Variants in CACNA1H observed in about 807,000 individuals in gnomAD.
CACNA1H encodes the protein voltage-dependent T-type calcium channel subunit alpha-1H.
CACNA1H carries 149 observed loss-of-function variants against 192.5 expected under a neutral mutation model. That is an observed-to-expected ratio of 0.77 (90% CI 0.68 to 0.89). CACNA1H has a LOEUF of 0.89. Ranked by LOEUF, CACNA1H falls within the 40% of genes least tolerant of loss-of-function variation. The pLI, the probability that CACNA1H is intolerant of heterozygous loss-of-function variation, is 0.00. For synonymous variants in CACNA1H, 2,202 were observed against 1,475.2 expected, an observed-to-expected ratio of 1.49 and a Z score of -11.29; for missense variants, 4,257 against 3,423.5, an observed-to-expected ratio of 1.24 and a Z score of -6.08.
chr16:1,199,589 T>C (rs1362762556), intron 6 of CACNA1H, among the ~76,000 whole-genome samples: 1 of 148,510 alleles, frequency 6.7e-6, no homozygotes, highest in African/African-American at 2.5e-5. Flanking sequence ...CCAGAGTCCG[T>C]CACACCTTAC....
intron 2 of CACNA1H, among the ~76,000 whole-genome samples, chr16:1,182,061 C>T (rs974145693): frequency 2.6e-5 from 4 of 152,340 alleles, no homozygotes; most frequent in Admixed American, 6.5e-5. Context: ...ATGGACACAA[C>T]GCTCCCCAGG....
intron 2 of CACNA1H, among the ~76,000 whole-genome samples, chr16:1,154,395 C>G (rs891736636): frequency 3.9e-5 from 6 of 152,162 alleles, no homozygotes; most frequent in African/African-American, 1.2e-4. Flanking sequence ...GGGAATTTCC[C>G]CCTTGCCCAC....
Position 1,209,287 on chromosome 16 carries a change from G to A in CACNA1H, c.3619G>A (p.Ala1207Thr), listed in dbSNP as rs1415836280. 6 of 1,572,170 alleles carry A rather than the reference G, an allele frequency of 3.8e-6. No homozygotes were observed. In the Admixed American group the frequency reaches 7.2e-5, roughly 19 times the overall value. The part of the protein sequence containing the change: ...ESLDPRPLRP[A>T]ALPPTKCRDR... ...CCTGGACCCACGGCCCCTGCGGCCGGCCGCCCTCCCGCCTACCAAGTGCCG... is the reference window on the plus strand; with the variant it reads ...CCTGGACCCACGGCCCCTGCGGCCGACCGCCCTCCCGCCTACCAAGTGCCG... Residue 1207 changes from alanine (A) to threonine (T), a missense_variant, in exon 17 of 35, where the codon GCC becomes ACC. Transcript: ENST00000348261.
At chr16:1,217,474 C>T (rs572271530) in intron 31 of CACNA1H, among the ~76,000 whole-genome samples, 3 of 151,930 alleles carry the variant, frequency 2.0e-5, no homozygotes, top group Admixed American at 1.3e-4. Flanking sequence ...CCTCCTTAGA[C>T]GGCCCAGCCC....
intron 16 of CACNA1H, among the ~76,000 whole-genome samples, 152 bp downstream of exon 16, chr16:1,208,373 C>A (rs1277294842): frequency 6.6e-6 from 1 of 152,084 alleles, no homozygotes; most frequent in African/African-American, 2.4e-5. Context: ...GTTCTGGTTT[C>A]CGGAAATGGA....
At chr16:1,194,364 C>G (rs1596378484) in intron 2 of CACNA1H, among the ~76,000 whole-genome samples, 1 of 152,192 alleles carries the variant, frequency 6.6e-6, no homozygotes, top group African/African-American at 2.4e-5. Flanking sequence ...CCACAGTCAG[C>G]TGACGGATTG....
intron 2 of CACNA1H, among the ~76,000 whole-genome samples, chr16:1,194,006 T>G (rs941907954): frequency 6.6e-6 from 1 of 152,078 alleles, no homozygotes; most frequent in Non-Finnish European, 1.5e-5. Flanking sequence ...TGGCCCGTGT[T>G]GGGCAGGGGG....
intron 30 of CACNA1H, 89 bp downstream of exon 30, chr16:1,215,682 GT>G (rs1483827995): frequency 3.9e-6 from 4 of 1,016,754 alleles, no homozygotes; most frequent in Non-Finnish European, 5.9e-6. Context: ...CCCCTCACTC[GT>G]TTCTCTGGTC....
rs1965343854 is a variant in CACNA1H at position 1,180,362 on chromosome 16, G to T, written c.300-14610G>T. On this transcript the variant is annotated intron_variant, in intron 2 of 34. Transcript: ENST00000348261. This position sits in a 1 kb window ranked among gnomAD's most constrained non-coding sequence, Gnocchi z 4.4. ...GGACGGTCCCATAGCTGGGGGCAGAGCAGGGCAGGCTGGGTGAGGAGGGGG... is the reference window on the plus strand; with the variant it reads ...GGACGGTCCCATAGCTGGGGGCAGATCAGGGCAGGCTGGGTGAGGAGGGGG... Among the ~76,000 whole-genome samples the T allele has an allele frequency of 6.6e-6, 1 of 152,238 alleles. No individual in the cohort carries two copies. The highest frequency in any genetic ancestry group is 1.9e-4 in the East Asian group (1 of 5,196).
chr16:1,204,660 C>T (rs973819072), intron 10 of CACNA1H, among the ~76,000 whole-genome samples: 1 of 152,170 alleles, frequency 6.6e-6, no homozygotes, highest in Non-Finnish European at 1.5e-5. Flanking sequence ...TCCTGGCCTC[C>T]TCTCTAGACG....
rs1233947489 is a variant in CACNA1H, at chr16:1,202,315, G to A, written c.1865G>A (p.Gly622Asp). The A allele has an allele frequency of 6.3e-7, 1 of 1,583,560 alleles. No homozygotes were observed. The highest frequency in any genetic ancestry group is 1.8e-5 in the Admixed American group (1 of 56,002). ...CCCACGATCCTGCCCTCAGGGGTGG[G>A]CAGCGGCAAAGGCAGCACCAGCCCC... ...NYPTILPSGV[G>D]SGKGSTSPGP... Residue 622 changes from glycine (G) to aspartate (D), a missense_variant, in exon 9 of 35, where the codon GGC (glycine) becomes GAC (aspartate). Gly to Asp is a moderately conservative substitution (Grantham distance 94, BLOSUM62 -1). Transcript: ENST00000348261.
chr16:1,194,159 CA>C (rs1268603982), intron 2 of CACNA1H, among the ~76,000 whole-genome samples: 1 of 151,912 alleles, frequency 6.6e-6, no homozygotes, highest in African/African-American at 2.4e-5. Flanking sequence ...AGTCCAGAGC[CA>C]GGGGTGGGGG....
chr16:1,210,157 G>T (rs1442945149), intron 18 of CACNA1H, 22 bp downstream of exon 18: 2 of 1,535,698 alleles, frequency 1.3e-6, no homozygotes, highest in Non-Finnish European at 8.8e-7. Context: ...GGGTCAGGAG[G>T]CTGCATGGCT....
Position 1,204,154 on chromosome 16 carries a change from G to T in CACNA1H, c.2147G>T (p.Gly716Val). The change falls in exon 10 of 35, where the codon GGC becomes GTC. Residue 716 changes from glycine (G) to valine (V), a missense_variant. Physicochemically the swap from Gly to Val is moderately radical, Grantham distance 109. Coordinates refer to ENST00000348261, the MANE Select transcript of CACNA1H (RefSeq NM_021098.3). ...ALEDPEGELSGSESGDSDGRG... is the reference protein window; with the variant it reads ...ALEDPEGELSVSESGDSDGRG... ...GAGGACCCGGAGGGTGAGCTCAGCG[G>T]CTCGGAAAGTGGAGACTCAGATGGC... 1.2e-6 allele frequency: 2 copies of T among 1,612,372 alleles called. No individual in the cohort carries two copies. The highest frequency in any genetic ancestry group is 1.7e-6 in the Non-Finnish European group (2 of 1,179,738).
In CACNA1H at chr16:1,215,461, A is replaced by G. The variant is rs547976094; in HGVS notation, c.5174-62A>G. On this transcript the variant is annotated intron_variant, in intron 29 of 34. Transcript: ENST00000348261. The stretch of plus-strand genomic sequence containing the variant: ...GGTGGGAGTGAGGGGCGGGGCGGCC[A>G]GGGTCCCCGCGCAGCAGGGAGGGTC... 102 of 1,585,772 alleles carry G rather than the reference A, an allele frequency of 6.4e-5. No homozygotes were observed. The East Asian group carries it at 2.3e-3, about 36-fold the overall frequency.
intron 24 of CACNA1H, 54 bp from the exon 25 acceptor site, chr16:1,211,892 G>C (rs1185619567): frequency 5.6e-6 from 9 of 1,610,548 alleles, no homozygotes; most frequent in Non-Finnish European, 7.6e-6. Flanking sequence ...GGCCATCCTG[G>C]GTAGGGCCCC....
intron 2 of CACNA1H, among the ~76,000 whole-genome samples, chr16:1,162,922 TCTC>T (rs1448631222): frequency 2.0e-5 from 3 of 152,158 alleles, no homozygotes; most frequent in Non-Finnish European, 4.4e-5. Flanking sequence ...GAACGCCTCT[TCTC>T]ACGGCCACTC....
At position 1,195,995 on chromosome 16, in the gene CACNA1H, G is replaced by C. The variant is rs1408727556; in HGVS notation, c.615G>C (p.Arg205=). Residue 205 remains arginine (R), a synonymous_variant, in exon 5 of 35, where the codon CGG becomes CGC. Transcript: ENST00000348261. ...CTATCAGGACCGTGCGGGTGCTGCG[G>C]CCCCTCCGCGCCATCAACCGCGTGC... is the stretch of plus-strand genomic sequence containing the variant. ...LSAIRTVRVL[R]PLRAINRVPS... is the part of the protein sequence containing the mutation. 6.2e-7 allele frequency: 1 copy of C among 1,612,962 alleles called. No homozygotes were observed. The highest frequency in any genetic ancestry group is 2.2e-5 in the East Asian group (1 of 44,876).
At position 1,206,132 on chromosome 16, in the gene CACNA1H, G is replaced by A. The variant is rs547294711; in HGVS notation, c.2632G>A (p.Gly878Ser). 2.4e-5 allele frequency: 38 copies of A among 1,585,636 alleles called. No individual in the cohort carries two copies. The highest frequency in any genetic ancestry group is 1.2e-4 in the Admixed American group (7 of 56,916). ...CTGGGAGATCGTGGGGCAGGCGGACGGTGGCTTGTCTGTGCTGCGCACCTT... is the reference window on the plus strand; with the variant it reads ...CTGGGAGATCGTGGGGCAGGCGGACAGTGGCTTGTCTGTGCTGCGCACCTT... The part of the protein sequence containing the change: ...SVWEIVGQAD[G>S]GLSVLRTFRL... Residue 878 changes from glycine to serine, a missense_variant, in exon 12 of 35, where the codon GGT (glycine) becomes AGT (serine). Coordinates refer to ENST00000348261, the MANE Select transcript of CACNA1H (RefSeq NM_021098.3).
Sources: gnomAD v4.1 joint callset for allele counts (sites outside exome capture counted in the v4.1 genomes callset) on GRCh38, gnomAD v4.1.1 for gene constraint, Gnocchi (gnomAD v3.1) non-coding constraint, MANE v1.5 for transcripts, NCBI Gene and HGNC (gene_info 2026-07-23, HGNC 2026-07-21) for gene names.